Variants in PRICKLE1 observed in about 807,000 individuals in gnomAD.
PRICKLE1 encodes prickle planar cell polarity protein 1.
PRICKLE1 carries 14 observed loss-of-function variants against 70.2 expected under a neutral mutation model. That is an observed-to-expected ratio of 0.20 (90% confidence interval 0.13 to 0.31). The LOEUF is 0.31. Among genes scored for constraint, PRICKLE1 ranks in the 10% least tolerant of loss-of-function variants. The probability of loss-of-function intolerance (pLI) is 1.00; values close to 1 mark genes in which losing one functional copy is unlikely to be tolerated. For missense variants in PRICKLE1, 821 were observed against 1,026.2 expected (o/e 0.80, Z 2.73); for synonymous variants, 357 against 379.9 (o/e 0.94, Z 0.70).
intron 1 of PRICKLE1, among the ~76,000 whole-genome samples, chr12:42,500,644 A>C (rs542870675): frequency 1.6e-4 from 24 of 151,004 alleles, no homozygotes; most frequent in Admixed American, 1.5e-3. Flanking sequence ...TAGCACTATA[A>C]TACATTTTTC....
At position 42,460,101 on chromosome 12, in the gene PRICKLE1, GCGTACTGTC is replaced by G. The variant is rs1333451337; in HGVS notation, c.2195_2203del (p.Gly732_Tyr734del). 2 of 1,614,144 alleles carry G rather than the reference GCGTACTGTC, an allele frequency of 1.2e-6. No individual in the cohort carries two copies. Among genetic ancestry groups the G allele is most frequent in the Non-Finnish European group, 8.5e-7 (1 of 1,180,038 alleles). ...CAGGCCATAATCGGAAGTGGCATGG[GCGTACTGTC>G]CGTAGAGATCAGCATTCTGGATGTA... On this transcript the variant is annotated inframe_deletion, in exon 8 of 8. Transcript: ENST00000345127.
intron 1 of PRICKLE1, among the ~76,000 whole-genome samples, chr12:42,545,559 T>C (rs756181917): frequency 6.6e-6 from 1 of 152,232 alleles, no homozygotes; most frequent in Non-Finnish European, 1.5e-5. Context: ...CACACTAAAA[T>C]ATTTTGGGAC....
intron 1 of PRICKLE1, among the ~76,000 whole-genome samples, chr12:42,477,263 T>G (rs1463057923): frequency 6.6e-6 from 1 of 151,126 alleles, no homozygotes; most frequent in African/African-American, 2.4e-5. Flanking sequence ...TCCCAGCTAC[T>G]CGAGAGGCTG....
chr12:42,462,137 A>C (rs1593102697), intron 7 of PRICKLE1, among the ~76,000 whole-genome samples: 1 of 152,120 alleles, frequency 6.6e-6, no homozygotes, highest in Middle Eastern at 3.4e-3. Flanking sequence ...CCTATTTTTC[A>C]GCTTATTATT....
chr12:42,479,528 T>C (rs1236897137), intron 1 of PRICKLE1, among the ~76,000 whole-genome samples: 1 of 152,244 alleles, frequency 6.6e-6, no homozygotes, highest in Non-Finnish European at 1.5e-5. Context: ...AGGGGTTCCT[T>C]TGTGAAATTT....
Position 42,459,795 on chromosome 12 carries a change from G to A in PRICKLE1, c.*14C>T. On this transcript the variant is annotated 3_prime_UTR_variant, in exon 8 of 8. Coordinates refer to ENST00000345127, the MANE Select transcript of PRICKLE1 (RefSeq NM_153026.3). ...TGGCTAAGTTTTAAACAAATGCTCT[G>A]CATCACTACTTGGTTAAGAAATAAT... 1.2e-6 allele frequency: 2 copies of A among 1,613,964 alleles called. No homozygotes were observed. The highest frequency in any genetic ancestry group is 1.1e-5 in the South Asian group (1 of 91,074).
intron 1 of PRICKLE1, among the ~76,000 whole-genome samples, chr12:42,489,320 T>A (rs1368671025): frequency 6.6e-6 from 1 of 151,910 alleles, no homozygotes; most frequent in East Asian, 1.9e-4. Context: ...TAAAATATAC[T>A]ACAATATTAA....
At chr12:42,524,932 C>A (rs895801351) in intron 1 of PRICKLE1, 2 of 152,160 alleles carry the variant, frequency 1.3e-5, no homozygotes, top group African/African-American at 2.4e-5. Flanking sequence ...CTCCTAAAAT[C>A]CTTGGAATGT....
rs78700216 is a variant in PRICKLE1 at position 42,544,760 on chromosome 12, C to G, written c.-49+44705G>C. Among the ~76,000 whole-genome samples the G allele has an allele frequency of 2.9e-3, 449 of 152,260 alleles. 6 individuals carry two copies. The highest frequency in any genetic ancestry group is 0.023 in the East Asian group (121 of 5,188). ...TAGTGAGGGCTAAAAAGTCTTACAA[C>G]AGAAATGGTAGTTACCTGGCTGCTG... On this transcript the variant is annotated intron_variant, in intron 1 of 7. Coordinates refer to ENST00000345127, the MANE Select transcript of PRICKLE1 (RefSeq NM_153026.3).
intron 1 of PRICKLE1, among the ~76,000 whole-genome samples, chr12:42,553,271 T>C (rs797008963): frequency 4.6e-4 from 70 of 151,848 alleles, no homozygotes; most frequent in East Asian, 1.6e-3. Context: ...GGTGAAACCC[T>C]GTCTCTACTA....
At chr12:42,556,558 T>A (rs1489781768) in intron 1 of PRICKLE1, among the ~76,000 whole-genome samples, 1 of 152,184 alleles carries the variant, frequency 6.6e-6, no homozygotes, top group Non-Finnish European at 1.5e-5. Flanking sequence ...GCTCTTGAGC[T>A]CCAGGCCTGT....
At chr12:42,517,319 T>TTTTTC (rs1345390541) in intron 1 of PRICKLE1, among the ~76,000 whole-genome samples, 2 of 141,462 alleles carry the variant, frequency 1.4e-5, no homozygotes, top group African/African-American at 5.3e-5. Context: ...TTTTTTTTTT[T>TTTTTC]TTTTTTTTTT....
intron 1 of PRICKLE1, among the ~76,000 whole-genome samples, chr12:42,552,984 A>G (rs544016979): frequency 1.3e-5 from 2 of 152,198 alleles, no homozygotes; most frequent in Non-Finnish European, 2.9e-5. Context: ...CTGATCTGAC[A>G]GGAGGTGGAG....
rs1384475012 is a variant in PRICKLE1 at position 42,459,646 on chromosome 12, C to A, written c.*163G>T. The A allele has an allele frequency of 1.5e-5, 13 of 863,754 alleles. No individual in the cohort carries two copies. The highest frequency in any genetic ancestry group is 3.7e-6 in the Non-Finnish European group (2 of 539,888). The allele number at this position is 863,754 out of a possible 1,614,324, so 53.5% of individuals were successfully genotyped here. A position where few individuals can be genotyped will look rare whatever the true frequency, so the allele number is the denominator to read the frequency against. On this transcript the variant is annotated 3_prime_UTR_variant, in exon 8 of 8. Coordinates refer to ENST00000345127, the MANE Select transcript of PRICKLE1 (RefSeq NM_153026.3). Reference sequence around the variant, plus strand: ...AGAGGGTAAATTGGAGAAATCACACCTTTCAAATGTTAATCTGACACTGTA... The same window carrying A: ...AGAGGGTAAATTGGAGAAATCACACATTTCAAATGTTAATCTGACACTGTA...
chr12:42,484,511 A>C (rs1186183316), intron 1 of PRICKLE1: 1 of 152,204 alleles, frequency 6.6e-6, no homozygotes, highest in African/African-American at 2.4e-5. Context: ...TAGCATATGA[A>C]TTCTCTTAGG....
At chr12:42,531,727 T>C (rs183901807) in intron 1 of PRICKLE1, among the ~76,000 whole-genome samples, 399 of 152,342 alleles carry the variant, frequency 2.6e-3, no homozygotes, top group Non-Finnish European at 4.3e-3. Flanking sequence ...GCTGAAATGG[T>C]GCTTTTGATT....
At chr12:42,576,055 TA>T (rs1940801419) in intron 1 of PRICKLE1, among the ~76,000 whole-genome samples, 1 of 152,222 alleles carries the variant, frequency 6.6e-6, no homozygotes, top group South Asian at 2.1e-4. Context: ...CACTCCTATG[TA>T]ATGTTTGTAT....
chr12:42,495,445 C>T (rs1383222099), intron 1 of PRICKLE1, among the ~76,000 whole-genome samples: 3 of 151,682 alleles, frequency 2.0e-5, no homozygotes, highest in Admixed American at 2.0e-4. Flanking sequence ...CTATGTTGCC[C>T]AGGCTGGTCT....
chr12:42,518,283 A>G (rs1322159132), intron 1 of PRICKLE1, among the ~76,000 whole-genome samples: 2 of 152,160 alleles, frequency 1.3e-5, no homozygotes, highest in Non-Finnish European at 2.9e-5. Flanking sequence ...GACTCAAGCA[A>G]TCCTTCTGCC....
Sources: allele counts gnomAD v4.1 joint callset (sites outside exome capture counted in the v4.1 genomes callset), GRCh38; gene constraint gnomAD v4.1.1; transcripts MANE v1.5; gene names NCBI Gene and HGNC (gene_info 2026-07-23, HGNC 2026-07-21).